Variants in OPCML observed in about 807,000 individuals in gnomAD.
The protein encoded by OPCML is opioid binding protein/cell adhesion molecule like.
A neutral mutation model predicts 37.8 loss-of-function variants in OPCML; 13 were observed. The observed-to-expected ratio is 0.34, with a 90% CI of 0.22 to 0.55. The LOEUF (loss-of-function observed/expected upper bound fraction) is 0.55, where lower values mean the gene tolerates loss of function less well. Ranked by LOEUF, OPCML falls within the 20% of genes least tolerant of loss-of-function variation. The pLI, the probability that OPCML is intolerant of heterozygous loss-of-function variation, is 0.91. For synonymous variants in OPCML, 176 were observed against 168.8 expected (o/e 1.04, Z -0.33); for missense variants, 341 against 435.6 (o/e 0.78, Z 1.93).
chr11:133,040,720 T>G (rs1947875835), intron 1 of OPCML, among the ~76,000 whole-genome samples: 1 of 151,256 alleles, frequency 6.6e-6, no homozygotes, highest in Admixed American at 6.6e-5. Flanking sequence ...GGGCAGTGAG[T>G]CATTCAGAGC....
chr11:132,993,055 C>A (rs1251835827), intron 1 of OPCML, among the ~76,000 whole-genome samples: 1 of 151,682 alleles, frequency 6.6e-6, no homozygotes, highest in Non-Finnish European at 1.5e-5. Flanking sequence ...GGCTCCTCTG[C>A]AGATCCACAC....
At chr11:132,581,518 A>C (rs1237830254) in intron 3 of OPCML, among the ~76,000 whole-genome samples, 2 of 152,164 alleles carry the variant, frequency 1.3e-5, no homozygotes, top group African/African-American at 4.8e-5. Flanking sequence ...ATAGGTAACA[A>C]AATTTGTTTT....
intron 1 of OPCML, among the ~76,000 whole-genome samples, chr11:133,384,096 C>T (rs942351858): frequency 1.1e-4 from 17 of 151,962 alleles, no homozygotes; most frequent in Admixed American, 7.2e-4. Flanking sequence ...CAGATACATA[C>T]GCCTGTGTTG....
intron 2 of OPCML, among the ~76,000 whole-genome samples, chr11:132,752,689 C>T (rs11826398): frequency 0.079 from 12,031 of 151,564 alleles, 545 homozygotes; most frequent in African/African-American, 0.11. Flanking sequence ...ATTAGTTTCA[C>T]TATAAGTTTG....
At chr11:132,706,718 A>G (rs549782874) in intron 2 of OPCML, among the ~76,000 whole-genome samples, 3 of 152,290 alleles carry the variant, frequency 2.0e-5, no homozygotes, top group Admixed American at 2.0e-4. Flanking sequence ...CCACCCTCTC[A>G]GAGGCCACTG....
At chr11:132,570,389 G>A (rs1260097427) in intron 3 of OPCML, among the ~76,000 whole-genome samples, 1 of 152,084 alleles carries the variant, frequency 6.6e-6, no homozygotes, top group Non-Finnish European at 1.5e-5. Context: ...AGGAGAGGAT[G>A]TTTTGAGGGG....
intron 2 of OPCML, among the ~76,000 whole-genome samples, chr11:132,764,101 A>G (rs1235348381): frequency 1.3e-5 from 2 of 152,220 alleles, no homozygotes; most frequent in African/African-American, 2.4e-5. Context: ...GGAGGCATTG[A>G]TCTCCCAGCA....
chr11:132,694,626 T>C (rs1943537505), intron 2 of OPCML, among the ~76,000 whole-genome samples: 1 of 152,230 alleles, frequency 6.6e-6, no homozygotes, highest in East Asian at 1.9e-4. Flanking sequence ...CCTATCTTCA[T>C]GCTCCCCTTC....
intron 2 of OPCML, among the ~76,000 whole-genome samples, chr11:132,828,302 A>G (rs1940483452): frequency 6.6e-6 from 1 of 152,172 alleles, no homozygotes; most frequent in Non-Finnish European, 1.5e-5. Context: ...CCGGTATGAT[A>G]CTACAACAAC....
chr11:132,553,376 C>T (rs1201456501), intron 3 of OPCML, among the ~76,000 whole-genome samples: 1 of 152,136 alleles, frequency 6.6e-6, no homozygotes, highest in Admixed American at 6.5e-5. Context: ...CAGCCATTTA[C>T]TCCTAAGTCG....
chr11:132,627,705 C>T (rs1191299269), intron 3 of OPCML, among the ~76,000 whole-genome samples: 1 of 152,088 alleles, frequency 6.6e-6, no homozygotes, highest in Non-Finnish European at 1.5e-5. Flanking sequence ...GAACAGCATG[C>T]AAAATGGCAA....
At chr11:132,739,905 A>G (rs554910883) in intron 2 of OPCML, among the ~76,000 whole-genome samples, 1 of 152,298 alleles carries the variant, frequency 6.6e-6, no homozygotes, top group Admixed American at 6.5e-5. Context: ...GTTTTTGCTT[A>G]TTCAACCTAT....
intron 2 of OPCML, among the ~76,000 whole-genome samples, chr11:132,849,942 C>T (rs914279997): frequency 5.3e-5 from 8 of 152,196 alleles, no homozygotes; most frequent in East Asian, 1.9e-4. Flanking sequence ...TGTGTCCACT[C>T]GAGCAGATGA....
At chr11:132,555,009 A>G (rs971122044) in intron 3 of OPCML, among the ~76,000 whole-genome samples, 1 of 151,600 alleles carries the variant, frequency 6.6e-6, no homozygotes, top group Non-Finnish European at 1.5e-5. Context: ...ATGCACACTT[A>G]GAGAGTCCAT....
At chr11:132,964,856 A>G in intron 1 of OPCML, among the ~76,000 whole-genome samples, 1 of 152,306 alleles carries the variant, frequency 6.6e-6, no homozygotes, top group South Asian at 2.1e-4. Flanking sequence ...TGAAAATGGG[A>G]AAACTGAGGC....
At chr11:132,782,246 C>G (rs570824002) in intron 2 of OPCML, among the ~76,000 whole-genome samples, 1 of 151,182 alleles carries the variant, frequency 6.6e-6, no homozygotes, top group Non-Finnish European at 1.5e-5. Context: ...GGTGTGTCTG[C>G]TTGTGGAGCC....
intron 1 of OPCML, among the ~76,000 whole-genome samples, chr11:133,389,336 G>A (rs1945120281): frequency 6.6e-6 from 1 of 152,212 alleles, no homozygotes; most frequent in South Asian, 2.1e-4. Flanking sequence ...CAAGTTTGCA[G>A]AGAAACAGGA....
At chr11:132,671,956 T>G (rs544377831) in intron 2 of OPCML, among the ~76,000 whole-genome samples, 60 of 152,326 alleles carry the variant, frequency 3.9e-4, no homozygotes, top group African/African-American at 1.3e-3. Flanking sequence ...TCTGCTCAAG[T>G]GACTATTGAA....
chr11:132,566,294 A>T (rs77034505), intron 3 of OPCML, among the ~76,000 whole-genome samples: 1 of 152,232 alleles, frequency 6.6e-6, no homozygotes, highest in Non-Finnish European at 1.5e-5. Context: ...AAGCTAGAGC[A>T]TCTAATGCAG....
Sources: allele counts gnomAD v4.1 joint callset (sites outside exome capture counted in the v4.1 genomes callset), GRCh38; gene constraint gnomAD v4.1.1; transcripts MANE v1.5; gene names NCBI Gene and HGNC (gene_info 2026-07-23, HGNC 2026-07-21).